IL16: variants seen among roughly 807,000 people sequenced by gnomAD.
IL16 encodes pro-interleukin-16.
A neutral mutation model predicts 110.1 loss-of-function variants in IL16; 67 were observed. That is an observed-to-expected ratio of 0.61 (90% confidence interval 0.50 to 0.75). The LOEUF is 0.75. Ranked by LOEUF, IL16 falls within the 30% of genes least tolerant of loss-of-function variation. The pLI is 0.00. For synonymous variants in IL16, 689 were observed against 662.9 expected, an observed-to-expected ratio of 1.04 and a Z score of -0.61; for missense variants, 1,545 against 1,655.0, an observed-to-expected ratio of 0.93 and a Z score of 1.15.
intron 2 of IL16, among the ~76,000 whole-genome samples, chr15:81,236,883 G>A (rs1897194077): frequency 6.6e-6 from 1 of 152,108 alleles, no homozygotes; most frequent in Admixed American, 6.5e-5. Flanking sequence ...GCTTGAACCC[G>A]GGAAGTGGAG....
At chr15:81,188,271 T>C in intron 1 of IL16, 1 of 453,904 alleles carries the variant, frequency 2.2e-6, no homozygotes, top group Admixed American at 2.4e-5. Context: ...ATCGCTATGT[T>C]GTTATGAGGT....
chr15:81,233,631 G>T lies in IL16; in HGVS notation c.312+7920G>T, dbSNP rs975574909. Among the ~76,000 whole-genome samples the T allele has an allele frequency of 4.0e-5, 6 of 151,816 alleles. No individual in the cohort carries two copies. The South Asian group carries it at 1.0e-3, about 26-fold the overall frequency. ...ACACACATATATACACACAAAAAAT[G>T]TGTATATATGTCTGTGTATGTGTAT... On this transcript the variant is annotated intron_variant, in intron 2 of 18. Transcript: ENST00000683961.
At chr15:81,206,143 G>A (rs930323577) in intron 1 of IL16, among the ~76,000 whole-genome samples, 3 of 152,164 alleles carry the variant, frequency 2.0e-5, no homozygotes, top group African/African-American at 7.2e-5. Context: ...TTGAATATGT[G>A]CTTACATATA....
At chr15:81,219,976 G>A (rs1263324543) in intron 1 of IL16, among the ~76,000 whole-genome samples, 2 of 152,128 alleles carry the variant, frequency 1.3e-5, no homozygotes, top group African/African-American at 4.8e-5. Flanking sequence ...ACAGTATAGA[G>A]GAAGAAAGAT....
intron 2 of IL16, among the ~76,000 whole-genome samples, chr15:81,257,309 A>C (rs1897981622): frequency 6.6e-6 from 1 of 152,246 alleles, no homozygotes; most frequent in African/African-American, 2.4e-5. Flanking sequence ...TTTTTCAAAA[A>C]GACTGAGTGG....
chr15:81,256,454 C>T lies in IL16; in HGVS notation c.313-3318C>T, dbSNP rs147677381. ...GTTTATGTGATTCTCCTGCCTCAGCCTCCCAAGTAGCTGGGACCACAGGTG... is the reference window on the plus strand; with the variant it reads ...GTTTATGTGATTCTCCTGCCTCAGCTTCCCAAGTAGCTGGGACCACAGGTG... On this transcript the variant is annotated intron_variant, in intron 2 of 18. Transcript: ENST00000683961. Among the ~76,000 whole-genome samples the T allele has an allele frequency of 4.1e-4, 63 of 152,040 alleles. 2 individuals carry two copies. In the East Asian group the frequency reaches 0.012, roughly 29 times the overall value.
intron 16 of IL16, among the ~76,000 whole-genome samples, chr15:81,304,703 T>A (rs1322807761): frequency 1.3e-5 from 2 of 152,158 alleles, no homozygotes; most frequent in African/African-American, 2.4e-5. Context: ...TTAACTTTAA[T>A]CTTCGTTGGC....
At chr15:81,197,958 G>A (rs924416824) in intron 1 of IL16, among the ~76,000 whole-genome samples, 1 of 152,046 alleles carries the variant, frequency 6.6e-6, no homozygotes, top group Non-Finnish European at 1.5e-5. Flanking sequence ...GGGAGCTGCC[G>A]TCTCTGTGGC....
intron 15 of IL16, chr15:81,302,389 C>A (rs1005791861): frequency 6.6e-6 from 1 of 152,204 alleles, no homozygotes; most frequent in East Asian, 1.9e-4. Flanking sequence ...ACACAAAGAG[C>A]CATCCTGCCT....
At chr15:81,269,388 C>G (rs1170136157) in intron 4 of IL16, 150 bp from the exon 5 acceptor site, 9 of 654,558 alleles carry the variant, frequency 1.4e-5, no homozygotes, top group Non-Finnish European at 2.5e-5. Context: ...ACCCACACCC[C>G]ACTAACCACA....
At chr15:81,245,774 T>C (rs1595988096) in intron 2 of IL16, among the ~76,000 whole-genome samples, 1 of 139,968 alleles carries the variant, frequency 7.1e-6, no homozygotes, top group East Asian at 2.2e-4. Flanking sequence ...CAATTCCAGA[T>C]TGCCAGCTGC....
intron 3 of IL16, among the ~76,000 whole-genome samples, chr15:81,261,438 CA>C (rs1056759095): frequency 3.3e-5 from 5 of 152,312 alleles, no homozygotes; most frequent in Admixed American, 6.5e-5. Flanking sequence ...GGAGGACTGG[CA>C]GGGGGAAGAG....
At chr15:81,196,771 T>G, upstream of IL16, 3 of 980,360 alleles carry the variant, frequency 3.1e-6, no homozygotes, top group Non-Finnish European at 3.8e-6. Context: ...GTTCTGAGGC[T>G]GAGCTTCTCA....
chr15:81,217,187 G>A (rs1469404403), intron 1 of IL16, among the ~76,000 whole-genome samples: 1 of 152,112 alleles, frequency 6.6e-6, no homozygotes, highest in Admixed American at 6.5e-5. Flanking sequence ...ACAAAGCAAG[G>A]CAAACAGAAG....
At chr15:81,240,123 TTA>T (rs1897298003) in intron 2 of IL16, among the ~76,000 whole-genome samples, 1 of 152,192 alleles carries the variant, frequency 6.6e-6, no homozygotes, top group Admixed American at 6.5e-5. Flanking sequence ...GTAAATTTGT[TTA>T]TGTTATTCAA....
chr15:81,197,255 A>T (rs1895629661), intron 1 of IL16, 103 bp downstream of exon 1: 1 of 692,734 alleles, frequency 1.4e-6, no homozygotes, highest in African/African-American at 1.9e-5. Context: ...GGTTGCTAGG[A>T]CGTAACTTCA....
At chr15:81,188,213 A>C in intron 1 of IL16, 1 of 413,670 alleles carries the variant, frequency 2.4e-6, no homozygotes, top group Non-Finnish European at 4.9e-6. Context: ...AAAACAGCAC[A>C]AAATAGATTG....
chr15:81,238,912 C>T (rs1348875486), intron 2 of IL16, among the ~76,000 whole-genome samples: 1 of 150,286 alleles, frequency 6.7e-6, no homozygotes. Flanking sequence ...TTATGGTTGA[C>T]ATGAATTTCT....
intron 18 of IL16, among the ~76,000 whole-genome samples, chr15:81,307,740 C>G (rs1900645653): frequency 6.6e-6 from 1 of 152,166 alleles, no homozygotes; most frequent in East Asian, 1.9e-4. Context: ...AGGAGAGATG[C>G]AGATTCTGGA....
Sources: allele counts gnomAD v4.1 joint callset (sites outside exome capture counted in the v4.1 genomes callset), GRCh38; gene constraint gnomAD v4.1.1; transcripts MANE v1.5; gene names NCBI Gene and HGNC (gene_info 2026-07-23, HGNC 2026-07-21).